Variants in SPG7 observed in about 807,000 individuals in gnomAD.
The protein encoded by SPG7 is mitochondrial inner membrane m-AAA protease component paraplegin.
SPG7 carries 103 observed loss-of-function variants against 81.9 expected under a neutral mutation model. The ratio of observed to expected loss-of-function variants is 1.26; its 90% CI spans 1.07 to 1.48. The LOEUF (loss-of-function observed/expected upper bound fraction) is 1.48. SPG7 is among the 40% of genes most tolerant of loss of function. The pLI is 0.00. For synonymous variants in SPG7, 534 were observed against 444.2 expected (o/e 1.20, Z -2.54); for missense variants, 1,241 against 1,087.3 (o/e 1.14, Z -1.99).
rs531963031 is a variant in SPG7, at chr16:89,551,890, C to G, written c.1780-1089C>G. The G allele has an allele frequency of 5.3e-4, 80 of 150,906 alleles. 1 individual carries two copies. Among genetic ancestry groups the G allele is most frequent in the African/African-American group, 1.9e-3 (78 of 41,120 alleles). 9.3% of individuals were successfully genotyped at this position (150,906 alleles called of 1,614,324 possible). A position where few individuals can be genotyped will look rare whatever the true frequency, so the allele number is the denominator to read the frequency against. On this transcript the variant is annotated intron_variant, in intron 13 of 16. Transcript: ENST00000645818. ...TGGGTGACAGAGCAAGACTGTCTCT[C>G]AAAGGGAAAAAAAAAGAATTTTTAC...
chr16:89,539,744 G>T (rs1214808308), intron 9 of SPG7: 1 of 151,838 alleles, frequency 6.6e-6, no homozygotes, highest in Non-Finnish European at 1.5e-5. Flanking sequence ...AATTAAAAAA[G>T]AATTTTTTTT....
intron 5 of SPG7, chr16:89,528,895 T>C: frequency 5.7e-6 from 1 of 174,460 alleles, no homozygotes; most frequent in Middle Eastern, 2.9e-3. Flanking sequence ...CACTGCAGCC[T>C]TCACCTCCTA....
chr16:89,515,946 C>T (rs962217761), intron 3 of SPG7, among the ~76,000 whole-genome samples: 2 of 151,342 alleles, frequency 1.3e-5, no homozygotes, highest in African/African-American at 2.4e-5. Context: ...CGATGTCAGG[C>T]GATCTGCCCA....
chr16:89,521,148 CCTT>C (rs1293395909), intron 3 of SPG7: 5 of 152,116 alleles, frequency 3.3e-5, no homozygotes, highest in African/African-American at 1.2e-4. Context: ...CTGTTGGCCT[CCTT>C]CTTGCCACCG....
Position 89,512,929 on chromosome 16 carries a change from C to G in SPG7, c.287-19C>G, listed in dbSNP as rs1016058730. 6.2e-7 allele frequency: 1 copy of G among 1,611,618 alleles called. No individual in the cohort carries two copies. Among genetic ancestry groups the G allele is most frequent in the Non-Finnish European group, 8.5e-7 (1 of 1,178,436 alleles). On this transcript the variant is annotated intron_variant, in intron 2 of 16. Transcript: ENST00000645818. ...GGTTGCAAAACTTAATTGTTAAATC[C>G]TTTCTCTATTTCTCATAGGTGGTAC...
intron 7 of SPG7, chr16:89,531,597 C>G: frequency 7.4e-6 from 3 of 405,788 alleles, no homozygotes; most frequent in Non-Finnish European, 1.4e-5. Context: ...TGGTCTCAAA[C>G]TCCTGATCTC....
At chr16:89,510,222 G>A (rs1311448272) in intron 1 of SPG7, among the ~76,000 whole-genome samples, 2 of 150,280 alleles carry the variant, frequency 1.3e-5, no homozygotes, top group African/African-American at 2.5e-5. Flanking sequence ...TGATCCACCC[G>A]CCTCAGCCTC....
At chr16:89,513,260 C>T (rs1019875745) in intron 3 of SPG7, among the ~76,000 whole-genome samples, 2 of 152,086 alleles carry the variant, frequency 1.3e-5, no homozygotes, top group Admixed American at 1.3e-4. Flanking sequence ...AAAGGCTGGG[C>T]GTGGTGGCTC....
At chr16:89,508,823 G>A (rs1301629264) in intron 1 of SPG7, 3 of 687,670 alleles carry the variant, frequency 4.4e-6, no homozygotes, top group East Asian at 5.6e-5. Context: ...GATCCGCGCA[G>A]TCCTCGGCGT....
At chr16:89,555,724 T>C (rs1227489574) in intron 16 of SPG7, 9 of 397,504 alleles carry the variant, frequency 2.3e-5, no homozygotes. Context: ...TTTCTCACAG[T>C]GGGCAGAGCT....
chr16:89,540,964 G>C (rs2058487455), intron 9 of SPG7: 1 of 985,324 alleles, frequency 1.0e-6, no homozygotes, highest in African/African-American at 1.7e-5. Context: ...AGAAATAGAA[G>C]AGCTGAAACT....
At chr16:89,538,268 C>G (rs2058452704) in intron 9 of SPG7, 1 of 152,080 alleles carries the variant, frequency 6.6e-6, no homozygotes, top group Admixed American at 6.6e-5. Flanking sequence ...GCACGAGTAC[C>G]CTCCACACCC....
chr16:89,548,611 C>T, intron 12 of SPG7: 1 of 316,020 alleles, frequency 3.2e-6, no homozygotes, highest in Non-Finnish European at 6.2e-6. Context: ...ATGGTCCCGA[C>T]CGTCAGTAGG....
intron 3 of SPG7, chr16:89,523,643 G>C: frequency 2.2e-6 from 1 of 460,574 alleles, no homozygotes; most frequent in Non-Finnish European, 4.3e-6. Flanking sequence ...GCACAGTGGC[G>C]CGATCACGGC....
chr16:89,551,058 C>T (rs2058629288), intron 13 of SPG7: 3 of 244,966 alleles, frequency 1.2e-5, no homozygotes, highest in Admixed American at 4.9e-5. Context: ...GCAAAACTGT[C>T]TCTACTTCAA....
intron 9 of SPG7, chr16:89,541,198 G>A (rs1041588622): frequency 1.0e-6 from 1 of 977,006 alleles, no homozygotes; most frequent in Non-Finnish European, 1.2e-6. Context: ...GGTGTTCTAC[G>A]CAGAAATAGA....
intron 12 of SPG7, chr16:89,548,973 C>G (rs953431583): frequency 2.2e-6 from 1 of 455,124 alleles, no homozygotes; most frequent in South Asian, 1.6e-5. Context: ...GAACACGCCT[C>G]TTGCAGGTCC....
Position 89,513,546 on chromosome 16 carries a change from A to C in SPG7, c.376+509A>C, listed in dbSNP as rs374510975. On this transcript the variant is annotated intron_variant, in intron 3 of 16. Transcript: ENST00000645818. ...AAAAAAAAATTTAAATTTAAATTTA[A>C]AAAGACCCTATCTATACAGAAAGAA... Among the ~76,000 whole-genome samples, 16 of 152,246 alleles carry C rather than the reference A, an allele frequency of 1.1e-4. No individual in the cohort carries two copies. In the East Asian group the frequency reaches 3.1e-3, roughly 29 times the overall value.
intron 9 of SPG7, chr16:89,536,723 A>T: frequency 6.2e-7 from 1 of 1,611,866 alleles, no homozygotes; most frequent in Non-Finnish European, 8.5e-7. Context: ...GTGGACACCA[A>T]GGTCTTCGTC....
Sources: gnomAD v4.1 joint callset for allele counts (sites outside exome capture counted in the v4.1 genomes callset) on GRCh38, gnomAD v4.1.1 for gene constraint, MANE v1.5 for transcripts, NCBI Gene and HGNC (gene_info 2026-07-23, HGNC 2026-07-21) for gene names.